PLCB4: variants seen among roughly 807,000 people sequenced by gnomAD.
PLCB4 encodes phospholipase C beta 4.
PLCB4 carries 77 observed loss-of-function variants against 178.8 expected under a neutral mutation model. The observed-to-expected ratio is 0.43, with a 90% confidence interval of 0.36 to 0.52. PLCB4 has a LOEUF of 0.52. PLCB4 is among the 20% of genes least tolerant of loss of function. The pLI is 0.00. For synonymous variants in PLCB4, 496 were observed against 490.8 expected, an observed-to-expected ratio of 1.01 and a Z score of -0.14; for missense variants, 1,024 against 1,453.4, an observed-to-expected ratio of 0.70 and a Z score of 4.80.
At chr20:9,339,453 C>T (rs1029711990) in intron 7 of PLCB4, among the ~76,000 whole-genome samples, 1 of 152,078 alleles carries the variant, frequency 6.6e-6, no homozygotes, top group Non-Finnish European at 1.5e-5. Flanking sequence ...CAGTACCACC[C>T]AGTAGAAATG....
At chr20:9,244,899 G>A (rs1407729614) in intron 3 of PLCB4, among the ~76,000 whole-genome samples, 1 of 152,122 alleles carries the variant, frequency 6.6e-6, no homozygotes, top group East Asian at 1.9e-4. Flanking sequence ...TCTTGAGTCT[G>A]TGAACGCTGG....
At chr20:9,344,925 T>C (rs760861722) in intron 7 of PLCB4, among the ~76,000 whole-genome samples, 1 of 152,204 alleles carries the variant, frequency 6.6e-6, no homozygotes, top group Non-Finnish European at 1.5e-5. Context: ...CAAATTGCTG[T>C]CATATTTACC....
intron 2 of PLCB4, among the ~76,000 whole-genome samples, chr20:9,167,845 G>A (rs768895073): frequency 3.9e-5 from 6 of 152,054 alleles, no homozygotes; most frequent in South Asian, 2.1e-4. Flanking sequence ...TGAAACAAAC[G>A]GTGAAACCAT....
chr20:9,285,938 T>G (rs2094532955), intron 3 of PLCB4, among the ~76,000 whole-genome samples: 1 of 152,048 alleles, frequency 6.6e-6, no homozygotes, highest in South Asian at 2.1e-4. Flanking sequence ...CTTTTCTATC[T>G]TGGGAGCCTC....
intron 2 of PLCB4, among the ~76,000 whole-genome samples, chr20:9,100,547 G>A (rs2091104373): frequency 6.6e-6 from 1 of 152,016 alleles, no homozygotes; most frequent in Admixed American, 6.6e-5. Context: ...TTAATGGAAA[G>A]GAATATACTT....
chr20:9,387,166 C>G (rs2037746745), intron 14 of PLCB4, among the ~76,000 whole-genome samples: 1 of 151,960 alleles, frequency 6.6e-6, no homozygotes, highest in Non-Finnish European at 1.5e-5. Flanking sequence ...CCACGCCCGG[C>G]CCCCAAATTG....
At position 9,108,898 on chromosome 20, in the gene PLCB4, CAAGA is replaced by C. The variant is rs773002138; in HGVS notation, c.-79+12557_-79+12560del. On this transcript the variant is annotated intron_variant, in intron 2 of 39. Coordinates refer to ENST00000378473, the MANE Select transcript of PLCB4 (RefSeq NM_001377142.1). ...ATGAGAGAGAGAGGAAGAGAGAAAA[CAAGA>C]GAGAGAGAGAGAGAGAGAGAGAGAA... 5.1e-4 allele frequency among the ~76,000 whole-genome samples: 36 copies of C among 71,180 alleles called. 1 individual carries two copies. The East Asian group carries it at 7.0e-3, about 14-fold the overall frequency. 46.7% of individuals were successfully genotyped at this position (71,180 alleles called of 152,430 possible). A position where few individuals can be genotyped will look rare whatever the true frequency, so the allele number is the denominator to read the frequency against.
chr20:9,174,978 C>G (rs368829233), intron 2 of PLCB4, among the ~76,000 whole-genome samples: 38 of 152,208 alleles, frequency 2.5e-4, no homozygotes, highest in Admixed American at 6.5e-4. Flanking sequence ...GTTATTAATA[C>G]TGATGGTGTA....
intron 32 of PLCB4, among the ~76,000 whole-genome samples, chr20:9,444,971 T>A (rs1432422966): frequency 1.3e-5 from 2 of 152,190 alleles, no homozygotes; most frequent in African/African-American, 4.8e-5. Context: ...TTCTCCCTTA[T>A]GTAAATCTTG....
intron 17 of PLCB4, among the ~76,000 whole-genome samples, chr20:9,392,049 A>T (rs1423782715): frequency 6.6e-6 from 1 of 152,094 alleles, no homozygotes; most frequent in Non-Finnish European, 1.5e-5. Context: ...AACAGCTCTG[A>T]TTTATTTTAT....
At chr20:9,205,825 A>G (rs2093607933) in intron 2 of PLCB4, among the ~76,000 whole-genome samples, 1 of 152,090 alleles carries the variant, frequency 6.6e-6, no homozygotes, top group Admixed American at 6.5e-5. Flanking sequence ...TTACCTATAT[A>G]ATTTTGTCAT....
chr20:9,314,235 C>G (rs1182357663), intron 4 of PLCB4, among the ~76,000 whole-genome samples: 1 of 152,162 alleles, frequency 6.6e-6, no homozygotes, highest in Admixed American at 6.5e-5. Flanking sequence ...TCAGAAAGCT[C>G]TAGGGAACCT....
intron 34 of PLCB4, among the ~76,000 whole-genome samples, chr20:9,459,274 G>T (rs900645806): frequency 6.6e-6 from 1 of 152,182 alleles, no homozygotes; most frequent in Non-Finnish European, 1.5e-5. Flanking sequence ...AACCCAGGAG[G>T]TGGAGGTTGC....
Position 9,125,437 on chromosome 20 carries a change from T to G in PLCB4, c.-79+29095T>G, listed in dbSNP as rs111307055. Among the ~76,000 whole-genome samples the G allele has an allele frequency of 5.5e-3, 844 of 152,258 alleles. 6 individuals carry two copies. Among genetic ancestry groups the G allele is most frequent in the African/African-American group, 0.019 (802 of 41,550 alleles). On this transcript the variant is annotated intron_variant, in intron 2 of 39. Coordinates refer to ENST00000378473, the MANE Select transcript of PLCB4 (RefSeq NM_001377142.1). ...TTTTTCAAACCACTTGTTCCACATT[T>G]TTAAATTTCATTTTCTTCACCTAAA...
At chr20:9,116,627 AT>A (rs953475336) in intron 2 of PLCB4, among the ~76,000 whole-genome samples, 1 of 152,182 alleles carries the variant, frequency 6.6e-6, no homozygotes, top group Non-Finnish European at 1.5e-5. Flanking sequence ...CAATAGCTTT[AT>A]AGAAACTTTT....
chr20:9,365,810 A>T (rs997623405), intron 9 of PLCB4, among the ~76,000 whole-genome samples: 5 of 152,274 alleles, frequency 3.3e-5, no homozygotes, highest in Middle Eastern at 3.4e-3. Context: ...TTTAGGATTT[A>T]TGTTTCTTTT....
chr20:9,342,636 C>T (rs35840545), intron 7 of PLCB4, among the ~76,000 whole-genome samples: 5 of 149,704 alleles, frequency 3.3e-5, no homozygotes, highest in African/African-American at 7.3e-5. Flanking sequence ...GGATCTGTTG[C>T]GTGGCTTTTA....
chr20:9,422,390 A>G (rs1252778394), intron 27 of PLCB4, among the ~76,000 whole-genome samples: 1 of 152,182 alleles, frequency 6.6e-6, no homozygotes, highest in East Asian at 1.9e-4. Context: ...TTCGCATCCC[A>G]TTGTCTTCTT....
intron 2 of PLCB4, among the ~76,000 whole-genome samples, chr20:9,157,173 C>G (rs2092806278): frequency 6.8e-6 from 1 of 146,124 alleles, no homozygotes; most frequent in African/African-American, 2.5e-5. Context: ...GCTACATGAA[C>G]AAATGGAGGA....
Sources: gnomAD v4.1 joint callset for allele counts (sites outside exome capture counted in the v4.1 genomes callset) on GRCh38, gnomAD v4.1.1 for gene constraint, MANE v1.5 for transcripts, NCBI Gene and HGNC (gene_info 2026-07-23, HGNC 2026-07-21) for gene names.